The following ZNF91 variants were observed in gnomAD, a reference collection of about 807,000 sequenced individuals.
ZNF91 encodes the protein zinc finger protein 91 (HPF7, HTF10).
A neutral mutation model predicts 12.6 loss-of-function variants in ZNF91; 7 were observed. The ratio of observed to expected loss-of-function variants is 0.55; its 90% CI spans 0.31 to 1.04. The LOEUF is 1.04. Among genes scored for constraint, ZNF91 ranks in the 50% least tolerant of loss-of-function variants. The pLI, the probability that ZNF91 is intolerant of heterozygous loss-of-function variation, is 0.05. For synonymous variants in ZNF91, 453 were observed against 462.6 expected (o/e 0.98, Z 0.27); for missense variants, 1,217 against 1,385.4 (o/e 0.88, Z 1.93).
rs190349344 is a variant in ZNF91, at chr19:23,376,056, G to A, written c.31-1292C>T. Among the ~76,000 whole-genome samples, 235 of 152,210 alleles carry A rather than the reference G, an allele frequency of 1.5e-3. 1 individual carries two copies. The Middle Eastern group carries it at 0.017, about 11-fold the overall frequency. ...ACACCCTAATAAGCAGCTATATCCT[G>A]ATAATTTTTTCCAAACTTTCTGGGT... On this transcript the variant is annotated intron_variant, in intron 1 of 3. Coordinates refer to ENST00000300619, the MANE Select transcript of ZNF91 (RefSeq NM_003430.4).
chr19:23,346,990 C>T (rs967995444), intron 3 of ZNF91, among the ~76,000 whole-genome samples: 7 of 152,134 alleles, frequency 4.6e-5, no homozygotes, highest in Admixed American at 6.5e-5. Context: ...ACTGTTCAAA[C>T]CTTTCTTATA....
chr19:23,394,350 C>T (rs1404925926), intron 1 of ZNF91, among the ~76,000 whole-genome samples: 11 of 152,146 alleles, frequency 7.2e-5, no homozygotes, highest in Admixed American at 7.2e-4. Context: ...ACTACATTGG[C>T]AGAAGCAAAA....
At chr19:23,382,956 T>A (rs983313697) in intron 1 of ZNF91, among the ~76,000 whole-genome samples, 1 of 152,174 alleles carries the variant, frequency 6.6e-6, no homozygotes, top group Non-Finnish European at 1.5e-5. Flanking sequence ...TAAAACTATT[T>A]TAAGAAATTA....
chr19:23,313,200 T>C (rs915366048), upstream of ZNF91, among the ~76,000 whole-genome samples: 44 of 152,234 alleles, frequency 2.9e-4, no homozygotes, highest in African/African-American at 9.9e-4. Context: ...AAATGTGATA[T>C]ATGCCTCTGG....
chr19:23,366,120 C>T (rs1969002743), intron 3 of ZNF91, among the ~76,000 whole-genome samples: 1 of 152,162 alleles, frequency 6.6e-6, no homozygotes, highest in African/African-American at 2.4e-5. Context: ...GGCAGAGGGG[C>T]TCCTCGCTTC....
chr19:23,323,929 CCTTCT>C (rs1568368507), intron 1 of ZNF91: 3 of 149,878 alleles, frequency 2.0e-5, no homozygotes, highest in East Asian at 2.0e-4. Flanking sequence ...TTCTCCTCCT[CCTTCT>C]CTTCTCCTTT....
At chr19:23,327,235 T>C (rs1967853876) in intron 1 of ZNF91, 2 of 152,340 alleles carry the variant, frequency 1.3e-5, no homozygotes, top group African/African-American at 4.8e-5. Context: ...ATATATCATA[T>C]TTATAAAAAG....
At chr19:23,351,905 C>T (rs1173951519) in intron 3 of ZNF91, among the ~76,000 whole-genome samples, 5 of 152,080 alleles carry the variant, frequency 3.3e-5, no homozygotes, top group East Asian at 1.9e-4. Context: ...CGCTGAATCC[C>T]GAAGCAGCCC....
chr19:23,310,270 G>A (rs1400017628), intron 1 of ZNF91, among the ~76,000 whole-genome samples: 1 of 152,160 alleles, frequency 6.6e-6, no homozygotes, highest in Non-Finnish European at 1.5e-5. Flanking sequence ...ACAGCAAAGA[G>A]TAAAGATGAT....
chr19:23,352,872 T>C (rs570360970), downstream of ZNF91, among the ~76,000 whole-genome samples: 83 of 152,348 alleles, frequency 5.4e-4, 3 homozygotes, highest in South Asian at 0.017. Context: ...AGGGACATTA[T>C]GTAATGGTAA....
chr19:23,311,900 C>CAAAAA (rs1967477931), upstream of ZNF91, among the ~76,000 whole-genome samples: 1 of 97,006 alleles, frequency 1.0e-5, no homozygotes. Context: ...CTAGGCCATG[C>CAAAAA]CAAAAAAAAA....
intron 3 of ZNF91, among the ~76,000 whole-genome samples, chr19:23,365,171 A>C (rs1270222618): frequency 6.6e-6 from 1 of 152,124 alleles, no homozygotes; most frequent in Non-Finnish European, 1.5e-5. Flanking sequence ...ATTTTGATGT[A>C]ATAAAAGAAA....
chr19:23,308,330 A>G (rs1222353398), intron 2 of ZNF91: 1 of 152,312 alleles, frequency 6.6e-6, no homozygotes, highest in East Asian at 1.9e-4. Flanking sequence ...ATGTGTTTTG[A>G]CTGCCTGAGT....
At chr19:23,388,805 T>A (rs962994864) in intron 1 of ZNF91, among the ~76,000 whole-genome samples, 3 of 151,396 alleles carry the variant, frequency 2.0e-5, no homozygotes, top group African/African-American at 7.3e-5. Flanking sequence ...ACCCAGGAGG[T>A]GGAGGTTGCA....
intron 3 of ZNF91, among the ~76,000 whole-genome samples, chr19:23,369,112 C>G (rs1969148248): frequency 1.3e-5 from 2 of 152,070 alleles, no homozygotes; most frequent in African/African-American, 4.8e-5. Flanking sequence ...GAGTTCAAGA[C>G]CAGCCTGCTA....
intron 1 of ZNF91, among the ~76,000 whole-genome samples, chr19:23,317,326 G>C (rs1312380228): frequency 1.3e-5 from 2 of 152,110 alleles, no homozygotes; most frequent in Non-Finnish European, 2.9e-5. Flanking sequence ...GAGATTACAG[G>C]TGTGAGCCAC....
chr19:23,308,480 C>T (rs1967427478), intron 2 of ZNF91: 1 of 151,930 alleles, frequency 6.6e-6, no homozygotes, highest in East Asian at 1.9e-4. Context: ...TGACTCTGCT[C>T]TTCTGCCTGG....
intron 1 of ZNF91, chr19:23,384,627 C>T (rs1001864555): frequency 1.3e-6 from 1 of 768,916 alleles, no homozygotes; most frequent in Non-Finnish European, 1.9e-6. Context: ...CATCAGTCCC[C>T]CTCTTGGAGG....
chr19:23,363,436 AC>A, intron 3 of ZNF91, among the ~76,000 whole-genome samples: 1 of 152,350 alleles, frequency 6.6e-6, no homozygotes, highest in East Asian at 1.9e-4. Flanking sequence ...GCAAGTGATT[AC>A]TGACTCCTAC....
Sources: allele counts gnomAD v4.1 joint callset (sites outside exome capture counted in the v4.1 genomes callset), GRCh38; gene constraint gnomAD v4.1.1; transcripts MANE v1.5; gene names NCBI Gene and HGNC (gene_info 2026-07-23, HGNC 2026-07-21).